GRTP1: variants seen among roughly 807,000 people sequenced by gnomAD.
GRTP1 encodes growth hormone regulated TBC protein 1.
GRTP1 carries 56 observed loss-of-function variants against 38.1 expected under a neutral mutation model. That is an observed-to-expected ratio of 1.47 (90% CI 1.19 to 1.84). The LOEUF (loss-of-function observed/expected upper bound fraction) is 1.84. Among genes scored for constraint, GRTP1 ranks in the 40% most tolerant of loss-of-function variants. The pLI, the probability that GRTP1 is intolerant of heterozygous loss-of-function variation, is 0.00. For synonymous variants in GRTP1, 217 were observed against 189.5 expected (o/e 1.14, Z -1.19); for missense variants, 506 against 453.9 (o/e 1.11, Z -1.04).
Position 113,325,677 on chromosome 13 carries a change from C to T in GRTP1, c.905G>A (p.Cys302Tyr). ...QITKGSFVMECHTFMQKIFSE... is the reference protein window; with the variant it reads ...QITKGSFVMEYHTFMQKIFSE... The stretch of plus-strand genomic sequence containing the variant: ...CCCACACACCTGCATAAACGTGTGA[C>T]ACTCCATCACGAAACTCCCTTTGGT... Residue 302 changes from cysteine to tyrosine, a missense_variant, in exon 7 of 8, where the codon TGT (cysteine) becomes TAT (tyrosine). Coordinates refer to ENST00000375431, the MANE Select transcript of GRTP1 (RefSeq NM_024719.4). The T allele has an allele frequency of 6.2e-7, 1 of 1,614,166 alleles. No individual in the cohort carries two copies. Among genetic ancestry groups the T allele is most frequent in the Non-Finnish European group, 8.5e-7 (1 of 1,180,030 alleles).
chr13:113,329,797 C>T (rs892906164), intron 5 of GRTP1, among the ~76,000 whole-genome samples: 9 of 152,304 alleles, frequency 5.9e-5, no homozygotes, highest in East Asian at 1.9e-4. Context: ...GGGTAGTGGG[C>T]GGTTCCGATC....
chr13:113,363,207 C>T (rs2043530092), intron 2 of GRTP1, among the ~76,000 whole-genome samples: 1 of 152,124 alleles, frequency 6.6e-6, no homozygotes, highest in Non-Finnish European at 1.5e-5. Flanking sequence ...TCGAGCAGGG[C>T]CCTGTGGGTC....
chr13:113,333,393 G>A (rs1298666490), intron 5 of GRTP1, among the ~76,000 whole-genome samples: 1 of 152,202 alleles, frequency 6.6e-6, no homozygotes, highest in Non-Finnish European at 1.5e-5. Flanking sequence ...CCAAACTCAC[G>A]AATGCACCCA....
chr13:113,356,469 T>C (rs2043388564), intron 2 of GRTP1, among the ~76,000 whole-genome samples: 1 of 152,172 alleles, frequency 6.6e-6, no homozygotes. Flanking sequence ...GATTTCACCA[T>C]GTTGGCCAGG....
chr13:113,340,652 C>T lies in GRTP1; in HGVS notation c.562+4211G>A, dbSNP rs369137826. Among the ~76,000 whole-genome samples, 13 of 152,072 alleles carry T rather than the reference C, an allele frequency of 8.5e-5. No homozygotes were observed. The South Asian group carries it at 2.1e-3, about 24-fold the overall frequency. ...AAAATTAGCCGGGCGTGGTGGCGGG[C>T]GCCTGTAGTCCCAGCTACTCAGGAG... is the stretch of plus-strand genomic sequence containing the variant. On this transcript the variant is annotated intron_variant, in intron 5 of 7. Transcript: ENST00000375431.
intron 4 of GRTP1, 101 bp from the exon 5 acceptor site, chr13:113,345,060 G>C: frequency 2.2e-6 from 3 of 1,342,770 alleles, no homozygotes; most frequent in Non-Finnish European, 3.0e-6. Flanking sequence ...CATTTCTCTT[G>C]CTTCTCCTTA....
At chr13:113,360,036 G>A (rs2043466957) in intron 2 of GRTP1, 2 of 152,128 alleles carry the variant, frequency 1.3e-5, no homozygotes, top group African/African-American at 4.8e-5. Context: ...ACAAAGTTAG[G>A]CAAATCCCCA....
chr13:113,333,159 G>C (rs950095373), intron 5 of GRTP1, among the ~76,000 whole-genome samples: 5 of 152,240 alleles, frequency 3.3e-5, no homozygotes, highest in Non-Finnish European at 7.3e-5. Context: ...AGGAAAGCCT[G>C]AGGCGCCGAG....
intron 5 of GRTP1, 96 bp from the exon 6 acceptor site, chr13:113,326,187 T>C: frequency 6.8e-7 from 1 of 1,460,822 alleles, no homozygotes; most frequent in East Asian, 2.3e-5. Context: ...AGGGCCACCC[T>C]GGGAGGACCC....
intron 2 of GRTP1, chr13:113,360,168 C>CG (rs2043469212): frequency 6.6e-6 from 1 of 152,072 alleles, no homozygotes; most frequent in Admixed American, 6.5e-5. Flanking sequence ...TCCCTGCAGA[C>CG]GTCTATTCTC....
At chr13:113,346,919 T>C (rs537452930) in intron 4 of GRTP1, among the ~76,000 whole-genome samples, 8 of 86 alleles carry the variant, frequency 0.093, 1 homozygote, top group Non-Finnish European at 0.33. Flanking sequence ...AGAGCGGACC[T>C]GGGAGGACCT....
At chr13:113,344,582 A>G (rs1249634279) in intron 5 of GRTP1, among the ~76,000 whole-genome samples, 2 of 152,006 alleles carry the variant, frequency 1.3e-5, no homozygotes, top group Admixed American at 6.6e-5. Flanking sequence ...GTGTGGTGGC[A>G]CACACCTACA....
chr13:113,333,307 C>T (rs1287768100), intron 5 of GRTP1, among the ~76,000 whole-genome samples: 1 of 152,128 alleles, frequency 6.6e-6, no homozygotes, highest in Non-Finnish European at 1.5e-5. Flanking sequence ...GGTGCCCATG[C>T]ACATGGCGAA....
intron 5 of GRTP1, among the ~76,000 whole-genome samples, chr13:113,334,947 C>T (rs1217266412): frequency 2.6e-5 from 4 of 151,998 alleles, no homozygotes; most frequent in South Asian, 2.1e-4. Flanking sequence ...CTCAGCCTCC[C>T]GAGTAGCTGG....
At position 113,350,987 on chromosome 13, in the gene GRTP1, A is replaced by G. The variant is rs1246452288; in HGVS notation, c.341-14T>C. 1 of 1,613,322 alleles carries G rather than the reference A, an allele frequency of 6.2e-7. No homozygotes were observed. Among genetic ancestry groups the G allele is most frequent in the Non-Finnish European group, 8.5e-7 (1 of 1,179,508 alleles). On this transcript the variant is annotated splice_polypyrimidine_tract_variant and intron_variant, in intron 3 of 7. Coordinates refer to ENST00000375431, the MANE Select transcript of GRTP1 (RefSeq NM_024719.4). ...TCCGGTTCAGGTCTGTGGGAAATTC[A>G]GAAGGAATCACCCACGGGTTTCTGT...
intron 4 of GRTP1, among the ~76,000 whole-genome samples, chr13:113,346,116 G>T (rs143180107): frequency 1.1e-5 from 1 of 88,024 alleles, no homozygotes; most frequent in African/African-American, 4.4e-5. Context: ...GAACAGACCC[G>T]GGAGGACCTC....
chr13:113,362,529 G>A (rs749535198), intron 2 of GRTP1, among the ~76,000 whole-genome samples: 4 of 152,022 alleles, frequency 2.6e-5, no homozygotes, highest in Non-Finnish European at 4.4e-5. Context: ...CCAGCTATGC[G>A]GGAGGCTGAG....
Position 113,349,707 on chromosome 13 carries a change from G to A in GRTP1, c.465+1142C>T, listed in dbSNP as rs1004501459. 2.0e-5 allele frequency among the ~76,000 whole-genome samples: 3 copies of A among 152,302 alleles called. No individual in the cohort carries two copies. Among genetic ancestry groups the A allele is most frequent in the East Asian group, 3.9e-4 (2 of 5,176 alleles). On this transcript the variant is annotated intron_variant, in intron 4 of 7. Coordinates refer to ENST00000375431, the MANE Select transcript of GRTP1 (RefSeq NM_024719.4). This position sits in a 1 kb window ranked among gnomAD's most constrained non-coding sequence, Gnocchi z 5.0. ...TTTCACAGGGCGCTCCTCACGCAAC[G>A]TCCACCCTTTCTCCTCGGGAGCATT...
intron 2 of GRTP1, among the ~76,000 whole-genome samples, chr13:113,363,501 G>A (rs1172716516): frequency 6.6e-6 from 1 of 152,166 alleles, no homozygotes; most frequent in African/African-American, 2.4e-5. Context: ...CACCGCGCCC[G>A]GCATGGATCG....
Sources: allele counts gnomAD v4.1 joint callset (sites outside exome capture counted in the v4.1 genomes callset), GRCh38; gene constraint gnomAD v4.1.1; non-coding constraint Gnocchi (gnomAD v3.1); transcripts MANE v1.5; gene names NCBI Gene and HGNC (gene_info 2026-07-23, HGNC 2026-07-21).